GRIK1: variants seen among roughly 807,000 people sequenced by gnomAD.
GRIK1 encodes the protein glutamate ionotropic receptor kainate type subunit 1.
In GRIK1, 69 loss-of-function variants were observed where a neutral mutation model predicts 105.7. That is an observed-to-expected ratio of 0.65 (90% CI 0.54 to 0.80). The LOEUF is 0.80. GRIK1 is among the 30% of genes least tolerant of loss of function. GRIK1 has a pLI of 0.00. For missense variants in GRIK1, 1,109 were observed against 1,167.3 expected (o/e 0.95, Z 0.73); for synonymous variants, 438 against 431.3 (o/e 1.02, Z -0.19).
At chr21:29,814,120 A>ATTT (rs113925095) in intron 1 of GRIK1, among the ~76,000 whole-genome samples, 2 of 141,026 alleles carry the variant, frequency 1.4e-5, no homozygotes, top group Non-Finnish European at 3.1e-5. Flanking sequence ...AATAATTATT[A>ATTT]TTTTTTTTTT....
At chr21:29,629,225 T>TGG (rs1392321541) in intron 7 of GRIK1, among the ~76,000 whole-genome samples, 3 of 141,164 alleles carry the variant, frequency 2.1e-5, no homozygotes, top group African/African-American at 8.5e-5. Flanking sequence ...TGTGTGTGTG[T>TGG]GTGTGTGTGC....
At chr21:29,907,888 T>C (rs1399643152) in intron 1 of GRIK1, among the ~76,000 whole-genome samples, 1 of 152,110 alleles carries the variant, frequency 6.6e-6, no homozygotes, top group Non-Finnish European at 1.5e-5. Flanking sequence ...ACCAACAAAA[T>C]ACAGTTAAAA....
At chr21:29,766,139 G>A (rs144755209) in intron 1 of GRIK1, among the ~76,000 whole-genome samples, 163 of 152,158 alleles carry the variant, frequency 1.1e-3, no homozygotes, top group African/African-American at 2.9e-3. Flanking sequence ...ATGAGCCACC[G>A]TGCCTGGCCA....
chr21:29,935,169 C>T (rs976951005), intron 1 of GRIK1, among the ~76,000 whole-genome samples: 4 of 152,152 alleles, frequency 2.6e-5, no homozygotes, highest in African/African-American at 9.7e-5. Flanking sequence ...AGAACCTATT[C>T]CAAGTTGACT....
chr21:29,876,345 C>T (rs2069191137), intron 1 of GRIK1, among the ~76,000 whole-genome samples: 1 of 152,034 alleles, frequency 6.6e-6, no homozygotes, highest in Non-Finnish European at 1.5e-5. Context: ...TCTTTCCCTT[C>T]TCTTTTTCTT....
chr21:29,642,170 C>T lies in GRIK1; in HGVS notation c.1098+656G>A, dbSNP rs563225261. Among the ~76,000 whole-genome samples the T allele has an allele frequency of 2.0e-4, 30 of 152,194 alleles. 2 individuals are homozygous for T. The highest frequency in any genetic ancestry group is 6.0e-4 in the African/African-American group (25 of 41,518). ...CAGTGTACATATCGATAAGGAGTCA[C>T]GGGGCTTAGAACAGGGCCTTGTGAC... On this transcript the variant is annotated intron_variant, in intron 7 of 17. Coordinates refer to ENST00000327783, the MANE Select transcript of GRIK1 (RefSeq NM_001330994.2).
At chr21:29,825,924 C>A (rs531991184) in intron 1 of GRIK1, among the ~76,000 whole-genome samples, 6 of 152,138 alleles carry the variant, frequency 3.9e-5, no homozygotes, top group Admixed American at 2.6e-4. Flanking sequence ...CACAAACCTG[C>A]CTGGTCTTGT....
intron 1 of GRIK1, among the ~76,000 whole-genome samples, chr21:29,905,166 G>C (rs1451220195): frequency 1.3e-5 from 2 of 152,168 alleles, no homozygotes; most frequent in Non-Finnish European, 2.9e-5. Flanking sequence ...ATTATTTGCT[G>C]ACTGAGTGGG....
intron 3 of GRIK1, among the ~76,000 whole-genome samples, chr21:29,689,016 A>G (rs1004833271): frequency 6.6e-6 from 1 of 152,202 alleles, no homozygotes; most frequent in Non-Finnish European, 1.5e-5. Flanking sequence ...ATTCAACTTT[A>G]TTATGTGGAC....
intron 1 of GRIK1, among the ~76,000 whole-genome samples, chr21:29,736,557 A>G (rs2064796822): frequency 1.3e-5 from 2 of 151,552 alleles, no homozygotes; most frequent in African/African-American, 4.9e-5. Flanking sequence ...AACCTTAAGG[A>G]TATGTTTCAT....
intron 7 of GRIK1, among the ~76,000 whole-genome samples, chr21:29,599,671 G>T (rs759818662): frequency 1.3e-5 from 2 of 152,038 alleles, no homozygotes; most frequent in Non-Finnish European, 2.9e-5. Flanking sequence ...TGCCTCAGTG[G>T]TCACATTTCC....
intron 1 of GRIK1, among the ~76,000 whole-genome samples, chr21:29,901,152 A>T (rs1406530080): frequency 1.3e-5 from 2 of 152,216 alleles, no homozygotes; most frequent in Non-Finnish European, 2.9e-5. Context: ...TGTAGAGGGA[A>T]ATTTATAGCA....
At position 29,877,334 on chromosome 21, in the gene GRIK1, G is replaced by C. The variant is rs565638951; in HGVS notation, c.118+62049C>G. On this transcript the variant is annotated intron_variant, in intron 1 of 17. Transcript: ENST00000327783. ...TAAATCTATTGCAGAGTGGCCTTTGGAGGATTAATGAGGAAATGTTTCAAA... is the reference window on the plus strand; with the variant it reads ...TAAATCTATTGCAGAGTGGCCTTTGCAGGATTAATGAGGAAATGTTTCAAA... Among the ~76,000 whole-genome samples the C allele has an allele frequency of 7.2e-5, 11 of 152,128 alleles. No homozygotes were observed. In the South Asian group the frequency reaches 2.3e-3, roughly 32 times the overall value.
rs933671040 is a variant in GRIK1 at position 29,669,661 on chromosome 21, G to T, written c.726+3322C>A. On this transcript the variant is annotated intron_variant, in intron 4 of 17. Transcript: ENST00000327783. ...GTCTGAGCGTCAGTTGCCTCACCTC[G>T]AAAGTGAGAATAAGAAACTCACCTC... 3.3e-5 allele frequency among the ~76,000 whole-genome samples: 5 copies of T among 152,112 alleles called. No homozygotes were observed. The South Asian group carries it at 8.3e-4, about 25-fold the overall frequency.
chr21:29,630,868 T>A (rs2062253228), intron 7 of GRIK1: 1 of 313,842 alleles, frequency 3.2e-6, no homozygotes, highest in African/African-American at 2.2e-5. Flanking sequence ...GGCGAGATCA[T>A]GGCTGTTTGC....
intron 1 of GRIK1, among the ~76,000 whole-genome samples, chr21:29,879,571 T>C (rs1178461156): frequency 6.6e-6 from 1 of 152,142 alleles, no homozygotes; most frequent in African/African-American, 2.4e-5. Context: ...TATTTAGAGT[T>C]GGCTCCAGGG....
At chr21:29,681,907 T>C (rs1156588123) in intron 3 of GRIK1, among the ~76,000 whole-genome samples, 2 of 152,190 alleles carry the variant, frequency 1.3e-5, no homozygotes, top group African/African-American at 2.4e-5. Context: ...GGCATCACGA[T>C]GGGACAGTGC....
chr21:29,700,676 G>A (rs975969035), intron 1 of GRIK1, among the ~76,000 whole-genome samples: 1 of 152,052 alleles, frequency 6.6e-6, no homozygotes, highest in Non-Finnish European at 1.5e-5. Context: ...GGAGCTATCC[G>A]AATCAACTCA....
rs187977036 is a variant in GRIK1 at position 29,585,689 on chromosome 21, A to G, written c.1793+1677T>C. ...GGGCCTCCGGGCAGAGGTATGCAACAAGTAAACACAAGATTACTTATTAGA... is the reference window on the plus strand; with the variant it reads ...GGGCCTCCGGGCAGAGGTATGCAACGAGTAAACACAAGATTACTTATTAGA... On this transcript the variant is annotated intron_variant, in intron 12 of 17. Coordinates refer to ENST00000327783, the MANE Select transcript of GRIK1 (RefSeq NM_001330994.2). Among the ~76,000 whole-genome samples, 6 of 152,302 alleles carry G rather than the reference A, an allele frequency of 3.9e-5. No individual in the cohort carries two copies. In the East Asian group the frequency reaches 1.2e-3, roughly 29 times the overall value.
Sources: allele counts gnomAD v4.1 joint callset (sites outside exome capture counted in the v4.1 genomes callset), GRCh38; gene constraint gnomAD v4.1.1; transcripts MANE v1.5; gene names NCBI Gene and HGNC (gene_info 2026-07-23, HGNC 2026-07-21).